CCDC81: variants seen among roughly 807,000 people sequenced by gnomAD.
The protein encoded by CCDC81 is coiled-coil domain containing 81.
CCDC81 carries 79 observed loss-of-function variants against 83.7 expected under a neutral mutation model. The observed-to-expected ratio is 0.94, with a 90% CI of 0.79 to 1.14. The LOEUF is 1.14. Among genes scored for constraint, CCDC81 ranks in the 50% most tolerant of loss-of-function variants. The pLI is 0.00. For synonymous variants in CCDC81, 252 were observed against 278.1 expected, an observed-to-expected ratio of 0.91 and a Z score of 0.93; for missense variants, 791 against 778.1, an observed-to-expected ratio of 1.02 and a Z score of -0.20.
chr11:86,391,470 T>G (rs560354544), intron 3 of CCDC81, among the ~76,000 whole-genome samples: 1 of 152,216 alleles, frequency 6.6e-6, no homozygotes, highest in Non-Finnish European at 1.5e-5. Context: ...TTACCCTTTT[T>G]CTGACTCGTG....
At chr11:86,405,367 G>A (rs1439741373) in intron 7 of CCDC81, among the ~76,000 whole-genome samples, 1 of 152,028 alleles carries the variant, frequency 6.6e-6, no homozygotes, top group Non-Finnish European at 1.5e-5. Flanking sequence ...AAGAATTTTT[G>A]TGTGTGTTTT....
At chr11:86,375,861 A>G (rs1361998392) in intron 1 of CCDC81, among the ~76,000 whole-genome samples, 3 of 152,196 alleles carry the variant, frequency 2.0e-5, no homozygotes, top group Non-Finnish European at 4.4e-5. Context: ...TGCTGCAGGA[A>G]TGCAAACTCA....
At chr11:86,409,428 C>T in intron 10 of CCDC81, 63 bp downstream of exon 10, 1 of 737,370 alleles carries the variant, frequency 1.4e-6, no homozygotes, top group Non-Finnish European at 2.2e-6. Flanking sequence ...TGGATCCACT[C>T]CCTGTGTTGC....
chr11:86,415,116 G>T lies in CCDC81; in HGVS notation c.1494G>T (p.Leu498=). The change falls in exon 13 of 15, where the codon CTG becomes CTT. Residue 498 remains leucine (L), a synonymous_variant. Coordinates refer to ENST00000445632, the MANE Select transcript of CCDC81 (RefSeq NM_001156474.2). ...AGATAAAGAACAAACCCTCTCGGCT[G>T]CCCCCCTTTGAGCCAGACTCCTCTG... ...DAQIKNKPSR[L]PPFEPDSSEP... 1 of 1,614,124 alleles carries T rather than the reference G, an allele frequency of 6.2e-7. No homozygotes were observed. Among genetic ancestry groups the T allele is most frequent in the Non-Finnish European group, 8.5e-7 (1 of 1,180,022 alleles).
chr11:86,391,119 A>G (rs1948323427), intron 3 of CCDC81, among the ~76,000 whole-genome samples: 1 of 152,214 alleles, frequency 6.6e-6, no homozygotes, highest in Admixed American at 6.5e-5. Context: ...TAACTCAGAT[A>G]AGTGATCTGA....
At chr11:86,396,395 C>A (rs960082349) in intron 5 of CCDC81, among the ~76,000 whole-genome samples, 1 of 151,968 alleles carries the variant, frequency 6.6e-6, no homozygotes, top group Non-Finnish European at 1.5e-5. Context: ...CATTGTGTGC[C>A]CTTAATTATG....
intron 1 of CCDC81, among the ~76,000 whole-genome samples, chr11:86,375,684 A>T (rs1258585953): frequency 6.6e-6 from 1 of 152,178 alleles, no homozygotes; most frequent in Non-Finnish European, 1.5e-5. Context: ...TGAGATGATC[A>T]TAAAAAGCTA....
intron 3 of CCDC81, among the ~76,000 whole-genome samples, chr11:86,391,799 G>A (rs987762112): frequency 6.6e-6 from 1 of 152,178 alleles, no homozygotes; most frequent in Non-Finnish European, 1.5e-5. Flanking sequence ...CTGAGACTGG[G>A]TAATTTATAA....
chr11:86,404,155 C>T (rs1270816756), intron 7 of CCDC81, among the ~76,000 whole-genome samples: 1 of 152,148 alleles, frequency 6.6e-6, no homozygotes, highest in Non-Finnish European at 1.5e-5. Flanking sequence ...TCAGTTGCAT[C>T]TGACAGGTTA....
intron 1 of CCDC81, among the ~76,000 whole-genome samples, chr11:86,383,114 A>C (rs758399609): frequency 6.6e-6 from 1 of 152,194 alleles, no homozygotes; most frequent in African/African-American, 2.4e-5. Flanking sequence ...TGTTTTAGCA[A>C]AGTTTAATAT....
chr11:86,377,270 G>A (rs1388710741), intron 1 of CCDC81, among the ~76,000 whole-genome samples: 4 of 151,822 alleles, frequency 2.6e-5, no homozygotes, highest in African/African-American at 9.7e-5. Flanking sequence ...CTGTGTGCAG[G>A]TTTTAAAAAA....
chr11:86,419,905 C>T, intron 13 of CCDC81, 23 bp from the exon 14 acceptor site: 1 of 1,598,700 alleles, frequency 6.3e-7, no homozygotes, highest in Non-Finnish European at 8.5e-7. Context: ...TATTATGGAG[C>T]CAGGCTGTTC....
chr11:86,389,453 G>A (rs1307158250), intron 3 of CCDC81, among the ~76,000 whole-genome samples: 1 of 152,104 alleles, frequency 6.6e-6, no homozygotes, highest in African/African-American at 2.4e-5. Flanking sequence ...TAGTTCTGCA[G>A]GCTTAACAGG....
At chr11:86,406,634 G>A (rs1327871160) in intron 7 of CCDC81, among the ~76,000 whole-genome samples, 3 of 152,050 alleles carry the variant, frequency 2.0e-5, no homozygotes, top group Admixed American at 6.5e-5. Context: ...GTGAAACCCC[G>A]TCTCTACTAA....
chr11:86,382,892 G>T lies in CCDC81; in HGVS notation c.80-3159G>T, dbSNP rs532011534. Among the ~76,000 whole-genome samples, 4 of 152,244 alleles carry T rather than the reference G, an allele frequency of 2.6e-5. No individual in the cohort carries two copies. In the South Asian group the frequency reaches 8.3e-4, roughly 32 times the overall value. Reference sequence around the variant, plus strand: ...TCAATAGTGTCAGACATGGCTGAGGGCTCAGAATTAAATACGTTTATTGAA... The same window carrying T: ...TCAATAGTGTCAGACATGGCTGAGGTCTCAGAATTAAATACGTTTATTGAA... On this transcript the variant is annotated intron_variant, in intron 1 of 14. Transcript: ENST00000445632.
At chr11:86,396,543 T>C (rs1180394453) in intron 5 of CCDC81, among the ~76,000 whole-genome samples, 3 of 152,206 alleles carry the variant, frequency 2.0e-5, no homozygotes, top group Non-Finnish European at 4.4e-5. Flanking sequence ...ATTTCTGAGA[T>C]GTTTTGAGTG....
chr11:86,406,836 A>C (rs1030710107), intron 7 of CCDC81, among the ~76,000 whole-genome samples: 13 of 152,176 alleles, frequency 8.5e-5, no homozygotes, highest in Non-Finnish European at 1.9e-4. Context: ...AAAATTAAAA[A>C]ATAAATATTT....
At chr11:86,390,081 G>C (rs1948303651) in intron 3 of CCDC81, among the ~76,000 whole-genome samples, 1 of 152,116 alleles carries the variant, frequency 6.6e-6, no homozygotes, top group African/African-American at 2.4e-5. Context: ...CTCCAGCCTG[G>C]CGACAGAGTG....
chr11:86,382,733 C>T (rs1593908138), intron 1 of CCDC81, among the ~76,000 whole-genome samples: 1 of 152,142 alleles, frequency 6.6e-6, no homozygotes, highest in East Asian at 1.9e-4. Flanking sequence ...AAAACCCTAC[C>T]ATTTAATGGT....
Sources: gnomAD v4.1 joint callset for allele counts (sites outside exome capture counted in the v4.1 genomes callset) on GRCh38, gnomAD v4.1.1 for gene constraint, MANE v1.5 for transcripts, NCBI Gene and HGNC (gene_info 2026-07-23, HGNC 2026-07-21) for gene names.